Variants in ZNF385D observed in about 807,000 individuals in gnomAD.
ZNF385D encodes the protein zinc finger protein 659.
A neutral mutation model predicts 35.8 loss-of-function variants in ZNF385D; 15 were observed. That is an observed-to-expected ratio of 0.42 (90% CI 0.28 to 0.64). The LOEUF (loss-of-function observed/expected upper bound fraction) is 0.64. Among genes scored for constraint, ZNF385D ranks in the 30% least tolerant of loss-of-function variants. The probability of loss-of-function intolerance (pLI) is 0.23; values close to 1 mark genes in which losing one functional copy is unlikely to be tolerated. For missense variants in ZNF385D, 474 were observed against 494.6 expected (o/e 0.96, Z 0.39); for synonymous variants, 212 against 186.8 (o/e 1.13, Z -1.10).
At chr3:22,254,460 T>C (rs1398373517) in intron 2 of ZNF385D, among the ~76,000 whole-genome samples, 1 of 151,872 alleles carries the variant, frequency 6.6e-6, no homozygotes, top group African/African-American at 2.4e-5. Context: ...CTAGCAAGTA[T>C]CTTCCATGTG....
intron 2 of ZNF385D, among the ~76,000 whole-genome samples, chr3:22,354,893 T>C (rs762694180): frequency 6.6e-6 from 1 of 152,058 alleles, no homozygotes; most frequent in Non-Finnish European, 1.5e-5. Context: ...ACATTTCAAA[T>C]GCTCAATAGC....
intron 2 of ZNF385D, among the ~76,000 whole-genome samples, chr3:22,182,574 A>G (rs897683179): frequency 2.0e-5 from 3 of 152,092 alleles, no homozygotes; most frequent in African/African-American, 7.2e-5. Context: ...TACTAGATAC[A>G]TTGACTAATG....
chr3:21,428,200 T>C (rs1701109245), intron 5 of ZNF385D, among the ~76,000 whole-genome samples: 1 of 152,132 alleles, frequency 6.6e-6, no homozygotes, highest in Non-Finnish European at 1.5e-5. Context: ...GCATTAATAA[T>C]ATAAACATAA....
intron 2 of ZNF385D, among the ~76,000 whole-genome samples, chr3:22,179,732 A>T (rs1428949907): frequency 6.6e-6 from 1 of 152,180 alleles, no homozygotes; most frequent in Admixed American, 6.5e-5. Context: ...AGTTCTTTGA[A>T]ACCAATGAGA....
intron 3 of ZNF385D, among the ~76,000 whole-genome samples, chr3:21,778,488 A>G (rs1431420491): frequency 6.6e-6 from 1 of 151,870 alleles, no homozygotes; most frequent in Non-Finnish European, 1.5e-5. Context: ...AGCACCCTGT[A>G]GTCTATCAGG....
rs543583506 is a variant in ZNF385D, at chr3:21,478,636, C to T, written c.439+32225G>A. 1.1e-4 allele frequency among the ~76,000 whole-genome samples: 17 copies of T among 152,304 alleles called. 1 individual carries two copies. The highest frequency in any genetic ancestry group is 1.1e-3 in the Admixed American group (17 of 15,294). On this transcript the variant is annotated intron_variant, in intron 4 of 7. Coordinates refer to ENST00000281523, the MANE Select transcript of ZNF385D (RefSeq NM_024697.3). Reference sequence around the variant, plus strand: ...TCAAATATTTTCTAGTCAAAATCCTCACGCTTAGGCGTAACTTAGCCTAAG... The same window carrying T: ...TCAAATATTTTCTAGTCAAAATCCTTACGCTTAGGCGTAACTTAGCCTAAG...
At chr3:21,945,703 T>C (rs1701748552) in intron 3 of ZNF385D, among the ~76,000 whole-genome samples, 1 of 152,208 alleles carries the variant, frequency 6.6e-6, no homozygotes, top group Admixed American at 6.5e-5. Context: ...TGATGTAAGT[T>C]TCTTAATCCT....
At chr3:21,787,892 AGAT>A (rs2071758736) in intron 3 of ZNF385D, among the ~76,000 whole-genome samples, 1 of 142,178 alleles carries the variant, frequency 7.0e-6, no homozygotes, top group Admixed American at 7.4e-5. Flanking sequence ...CAGAGAGGCG[AGAT>A]CGAGCCACTG....
chr3:21,716,592 CT>C (rs1483158090), intron 1 of ZNF385D, among the ~76,000 whole-genome samples: 3 of 152,126 alleles, frequency 2.0e-5, no homozygotes, highest in Non-Finnish European at 4.4e-5. Context: ...GATTTCTCGG[CT>C]TCTTAATTAT....
Position 22,263,814 on chromosome 3 carries a change from A to T in ZNF385D, c.107-94779T>A, listed in dbSNP as rs1482015689. ...CAACTGAGGGAGGGGTGCTCCTGGC[A>T]TCTAGTGGGTATTACTAGGTTGCTG... is the stretch of plus-strand genomic sequence containing the variant. On this transcript the variant is annotated intron_variant, in intron 2 of 5. Transcript: ENST00000494108. 2.0e-5 allele frequency among the ~76,000 whole-genome samples: 3 copies of T among 151,990 alleles called. No homozygotes were observed. In the East Asian group the frequency reaches 5.8e-4, roughly 30 times the overall value.
chr3:22,033,802 T>TAATC (rs1698153333), intron 3 of ZNF385D, among the ~76,000 whole-genome samples: 1 of 152,186 alleles, frequency 6.6e-6, no homozygotes, highest in Admixed American at 6.5e-5. Flanking sequence ...TACACTGGAT[T>TAATC]ATCTTTACTG....
intron 3 of ZNF385D, among the ~76,000 whole-genome samples, chr3:22,024,971 G>T (rs2125462642): frequency 6.6e-6 from 1 of 152,258 alleles, no homozygotes; most frequent in South Asian, 2.1e-4. Flanking sequence ...CTCTTATCAT[G>T]CAAGTGGCTG....
chr3:21,996,561 T>C (rs1176935865), intron 3 of ZNF385D, among the ~76,000 whole-genome samples: 1 of 152,198 alleles, frequency 6.6e-6, no homozygotes, highest in African/African-American at 2.4e-5. Flanking sequence ...GAATAATCTA[T>C]TATTCTATTA....
rs1285561313 is a variant in ZNF385D at position 22,079,889 on chromosome 3, AAT to A, written c.325+88926_325+88927del. On this transcript the variant is annotated intron_variant, in intron 3 of 5. Coordinates refer to the ZNF385D transcript ENST00000494108. Reference sequence around the variant, plus strand: ...TTTAATTTAGGTCCTTAGAGATTCAAATATGTGTGTGTGTGTATGTATGTATA... The same window carrying A: ...TTTAATTTAGGTCCTTAGAGATTCAAATGTGTGTGTGTGTATGTATGTATA... Among the ~76,000 whole-genome samples the A allele has an allele frequency of 4.0e-5, 6 of 151,858 alleles. No individual in the cohort carries two copies. The East Asian group carries it at 7.8e-4, about 20-fold the overall frequency.
rs370583837 is a variant in ZNF385D at position 22,294,950 on chromosome 3, CA to C, written c.106+77499del. On this transcript the variant is annotated intron_variant, in intron 2 of 5. Coordinates refer to the ZNF385D transcript ENST00000494108. ...AGATATCTATTTTCCATTACAGGACCAGGGGTATAACTATCTATCTCTGTAT... is the reference window on the plus strand; with the variant it reads ...AGATATCTATTTTCCATTACAGGACCGGGGTATAACTATCTATCTCTGTAT... 3.3e-3 allele frequency among the ~76,000 whole-genome samples: 502 copies of C among 152,086 alleles called. 6 individuals are homozygous for C. Among genetic ancestry groups the C allele is most frequent in the African/African-American group, 0.012 (480 of 41,490 alleles).
At chr3:21,698,378 T>C (rs899998220) in intron 1 of ZNF385D, among the ~76,000 whole-genome samples, 9 of 146,124 alleles carry the variant, frequency 6.2e-5, no homozygotes, top group African/African-American at 2.2e-4. Context: ...TTCTTACTTA[T>C]AATTTGGAGC....
intron 2 of ZNF385D, among the ~76,000 whole-genome samples, chr3:22,255,095 G>A (rs1298751810): frequency 6.6e-6 from 1 of 151,682 alleles, no homozygotes; most frequent in East Asian, 1.9e-4. Context: ...TTGGACTGCT[G>A]TTGACCATGG....
intron 2 of ZNF385D, among the ~76,000 whole-genome samples, chr3:21,639,296 G>A (rs545313198): frequency 2.6e-5 from 4 of 151,888 alleles, no homozygotes; most frequent in Non-Finnish European, 5.9e-5. Flanking sequence ...CTAAAATGCA[G>A]GCGGCATGAA....
chr3:21,821,618 T>C (rs138762537), intron 3 of ZNF385D, among the ~76,000 whole-genome samples: 44 of 152,246 alleles, frequency 2.9e-4, no homozygotes, highest in East Asian at 2.3e-3. Context: ...TTTGACTTCA[T>C]TGATAACCAG....
Sources: gnomAD v4.1 joint callset for allele counts (sites outside exome capture counted in the v4.1 genomes callset) on GRCh38, gnomAD v4.1.1 for gene constraint, MANE v1.5 for transcripts, NCBI Gene and HGNC (gene_info 2026-07-23, HGNC 2026-07-21) for gene names.